PRDM16: variants seen among roughly 807,000 people sequenced by gnomAD.
The protein encoded by PRDM16 is PR/SET domain 16, also known as histone-lysine N-methyltransferase PRDM16.
A neutral mutation model predicts 110.6 loss-of-function variants in PRDM16; 23 were observed. The ratio of observed to expected loss-of-function variants is 0.21; its 90% CI spans 0.15 to 0.29. The LOEUF is 0.29. Among genes scored for constraint, PRDM16 ranks in the 10% least tolerant of loss-of-function variants. The pLI, the probability that PRDM16 is intolerant of heterozygous loss-of-function variation, is 1.00. For synonymous variants in PRDM16, 799 were observed against 781.8 expected (o/e 1.02, Z -0.37); for missense variants, 1,615 against 1,794.3 (o/e 0.90, Z 1.81).
chr1:3,121,854 TG>T (rs1643101470), intron 1 of PRDM16, among the ~76,000 whole-genome samples: 1 of 151,872 alleles, frequency 6.6e-6, no homozygotes, highest in African/African-American at 2.4e-5. Flanking sequence ...TGGCGGGAAG[TG>T]GAGGAAGAAG....
intron 1 of PRDM16, among the ~76,000 whole-genome samples, chr1:3,158,555 A>G (rs1413025754): frequency 6.6e-6 from 1 of 152,162 alleles, no homozygotes; most frequent in African/African-American, 2.4e-5. Context: ...TCATGGCGAG[A>G]AGGCACGATG....
At chr1:3,331,964 A>G (rs1227690661) in intron 3 of PRDM16, among the ~76,000 whole-genome samples, 2 of 152,222 alleles carry the variant, frequency 1.3e-5, no homozygotes, top group Non-Finnish European at 2.9e-5. Context: ...TGGCTCTATC[A>G]TGCCCCTAAA....
At chr1:3,092,221 G>T (rs992381071) in intron 1 of PRDM16, among the ~76,000 whole-genome samples, 2 of 152,198 alleles carry the variant, frequency 1.3e-5, no homozygotes, top group Non-Finnish European at 2.9e-5. Flanking sequence ...TGGCTCTGCA[G>T]CAGGGCCCAA....
chr1:3,343,375 C>T (rs1312980525), intron 3 of PRDM16, among the ~76,000 whole-genome samples: 1 of 151,116 alleles, frequency 6.6e-6, no homozygotes, highest in African/African-American at 2.4e-5. Context: ...AGATACAAGT[C>T]CTTAGTCGTT....
intron 1 of PRDM16, among the ~76,000 whole-genome samples, chr1:3,106,714 G>A (rs1642664509): frequency 1.3e-5 from 2 of 152,162 alleles, no homozygotes; most frequent in Admixed American, 6.5e-5. Context: ...ATTTGGCCAG[G>A]CCAGCATGGG....
chr1:3,221,964 G>A (rs890009407), intron 2 of PRDM16, among the ~76,000 whole-genome samples: 1 of 152,212 alleles, frequency 6.6e-6, no homozygotes. Flanking sequence ...TTTAGATGGG[G>A]ATACAGTAAA....
chr1:3,200,935 G>A (rs1027140270), intron 2 of PRDM16, among the ~76,000 whole-genome samples: 12 of 151,430 alleles, frequency 7.9e-5, no homozygotes. Flanking sequence ...AGGAAGAGGA[G>A]CAGGAAGGAG....
At chr1:3,224,358 C>T (rs1048152568) in intron 2 of PRDM16, among the ~76,000 whole-genome samples, 5 of 152,198 alleles carry the variant, frequency 3.3e-5, no homozygotes, top group East Asian at 1.9e-4. Flanking sequence ...ATGGGTCAGG[C>T]GACAGTGTTG....
rs568323580 is a variant in PRDM16, at chr1:3,394,696, G to T, written c.574-1795G>T. Among the ~76,000 whole-genome samples, 170 of 152,294 alleles carry T rather than the reference G, an allele frequency of 1.1e-3. 1 individual carries two copies. Among genetic ancestry groups the T allele is most frequent in the African/African-American group, 4.0e-3 (167 of 41,574 alleles). Reference sequence around the variant, plus strand: ...TCACTCAGCAGCCCCTTCCACTTGCGCCTGCTACAATGCCACTCACGGCAC... The same window carrying T: ...TCACTCAGCAGCCCCTTCCACTTGCTCCTGCTACAATGCCACTCACGGCAC... On this transcript the variant is annotated intron_variant, in intron 4 of 16. Coordinates refer to ENST00000270722, the MANE Select transcript of PRDM16 (RefSeq NM_022114.4).
intron 4 of PRDM16, chr1:3,396,179 C>A (rs960519674): frequency 2.9e-5 from 13 of 444,444 alleles, no homozygotes; most frequent in Admixed American, 5.8e-5. Context: ...CAGGTGGGCT[C>A]TTGGTGGAAG....
intron 3 of PRDM16, among the ~76,000 whole-genome samples, chr1:3,351,135 G>A (rs1304619186): frequency 6.6e-6 from 1 of 152,152 alleles, no homozygotes; most frequent in Non-Finnish European, 1.5e-5. Context: ...CCAGCTTGTG[G>A]GTCTCTGAGA....
intron 4 of PRDM16, among the ~76,000 whole-genome samples, chr1:3,392,333 C>A (rs530485673): frequency 2.0e-5 from 3 of 152,304 alleles, no homozygotes; most frequent in African/African-American, 7.2e-5. Context: ...CTACTTGATT[C>A]AAGCCTGCCT....
chr1:3,238,668 G>A (rs1044006650), intron 2 of PRDM16, among the ~76,000 whole-genome samples: 4 of 152,184 alleles, frequency 2.6e-5, no homozygotes, highest in African/African-American at 9.7e-5. Context: ...ACGGGAAGCC[G>A]CCCAGCTTTG....
At chr1:3,263,778 C>T (rs891093060) in intron 3 of PRDM16, among the ~76,000 whole-genome samples, 9 of 152,230 alleles carry the variant, frequency 5.9e-5, no homozygotes, top group Non-Finnish European at 8.8e-5. Flanking sequence ...ATAGTTGGAA[C>T]GTGAAGCCAG....
Position 3,080,965 on chromosome 1 carries a change from G to T in PRDM16, c.37+11669G>T, listed in dbSNP as rs1642011220. ...GTAGAGGGGGTGGCGGGGCGGGGGG[G>T]GTCTGCACATTCCGCCGAGTGTCCT... On this transcript the variant is annotated intron_variant, in intron 1 of 16. Coordinates refer to ENST00000270722, the MANE Select transcript of PRDM16 (RefSeq NM_022114.4). The surrounding 1 kb of genome is among the most constrained non-coding windows in gnomAD (Gnocchi z 5.2). Among the ~76,000 whole-genome samples, 1 of 151,464 alleles carries T rather than the reference G, an allele frequency of 6.6e-6. No individual in the cohort carries two copies. Among genetic ancestry groups the T allele is most frequent in the East Asian group, 2.0e-4 (1 of 5,102 alleles).
At chr1:3,234,092 G>C (rs555575744) in intron 2 of PRDM16, among the ~76,000 whole-genome samples, 5 of 152,264 alleles carry the variant, frequency 3.3e-5, no homozygotes, top group African/African-American at 1.2e-4. Flanking sequence ...GATTGGGTCG[G>C]TCCCGGTGTC....
At position 3,186,447 on chromosome 1, in the gene PRDM16, G is replaced by A. The variant is rs775922979; in HGVS notation, c.360G>A (p.Ala120=). ...CCTGCGTGGTGGTGCCCCGGGCGGC[G>A]GCAAAGGAGACAGACTTCGGATGGG... ...LGPCVVVPRA[A]AKETDFGWEQ... Residue 120 remains alanine (A), a synonymous_variant, in exon 2 of 17, where the codon GCG becomes GCA. Coordinates refer to ENST00000270722, the MANE Select transcript of PRDM16 (RefSeq NM_022114.4). 31 of 1,548,152 alleles carry A rather than the reference G, an allele frequency of 2.0e-5. No homozygotes were observed. Among genetic ancestry groups the A allele is most frequent in the Middle Eastern group, 3.5e-4 (2 of 5,742 alleles).
chr1:3,305,664 C>T (rs190631979), intron 3 of PRDM16, among the ~76,000 whole-genome samples: 32 of 152,348 alleles, frequency 2.1e-4, no homozygotes, highest in Admixed American at 6.5e-4. Flanking sequence ...GGGCAGAAAG[C>T]GCCCCGTGGA....
At chr1:3,135,164 G>A (rs1643411329) in intron 1 of PRDM16, among the ~76,000 whole-genome samples, 1 of 152,212 alleles carries the variant, frequency 6.6e-6, no homozygotes, top group South Asian at 2.1e-4. Context: ...AGCTCCAAGA[G>A]TCCAGCCTGG....
Sources: allele counts gnomAD v4.1 joint callset (sites outside exome capture counted in the v4.1 genomes callset), GRCh38; gene constraint gnomAD v4.1.1; non-coding constraint Gnocchi (gnomAD v3.1); transcripts MANE v1.5; gene names NCBI Gene and HGNC (gene_info 2026-07-23, HGNC 2026-07-21).